The following MED24 variants were observed in gnomAD, a reference collection of about 807,000 sequenced individuals.
MED24 encodes mediator of RNA polymerase II transcription subunit 24.
A neutral mutation model predicts 118.8 loss-of-function variants in MED24; 74 were observed. That is an observed-to-expected ratio of 0.62 (90% CI 0.52 to 0.76). MED24 has a LOEUF of 0.76. Ranked by LOEUF, MED24 falls within the 30% of genes least tolerant of loss-of-function variation. The pLI, the probability that MED24 is intolerant of heterozygous loss-of-function variation, is 0.00. For synonymous variants in MED24, 521 were observed against 523.9 expected, an observed-to-expected ratio of 0.99 and a Z score of 0.08; for missense variants, 1,041 against 1,278.9, an observed-to-expected ratio of 0.81 and a Z score of 2.84.
chr17:40,031,453 C>A, intron 11 of MED24, 85 bp downstream of exon 11: 1 of 1,406,138 alleles, frequency 7.1e-7, no homozygotes. Context: ...GAGACAGAGT[C>A]CCCTGAGGCT....
Position 40,033,305 on chromosome 17 carries a change from C to G in MED24, c.671+40G>C. ...ACATCTTCCTACCCCAGGGCGTGTC[C>G]TCCCTCTCCCTTCTCCACCATCCCC... On this transcript the variant is annotated intron_variant, in intron 7 of 25. Coordinates refer to ENST00000394128, the MANE Select transcript of MED24 (RefSeq NM_014815.4). The surrounding 1 kb of genome is among the most constrained non-coding windows in gnomAD (Gnocchi z 5.2). 6.2e-7 allele frequency: 1 copy of G among 1,611,892 alleles called. No individual in the cohort carries two copies. Among genetic ancestry groups the G allele is most frequent in the Non-Finnish European group, 8.5e-7 (1 of 1,179,098 alleles).
chr17:40,036,603 G>A (rs1232903288), intron 3 of MED24, among the ~76,000 whole-genome samples: 2 of 149,454 alleles, frequency 1.3e-5, no homozygotes, highest in Non-Finnish European at 3.0e-5. Flanking sequence ...TAGGAGAATC[G>A]CTTGAATCAG....
Position 40,022,667 on chromosome 17 carries a change from G to A in MED24, c.2410C>T (p.Pro804Ser), listed in dbSNP as rs766149658. The part of the protein sequence containing the change: ...DSSKWHSLMD[P>S]PGTALAKLAV... ...TACTTGGCAAGAGCAGTGCCCGGGGGGTCCATGAGGCTGTGCCACTTGGAG... is the reference window on the plus strand; with the variant it reads ...TACTTGGCAAGAGCAGTGCCCGGGGAGTCCATGAGGCTGTGCCACTTGGAG... Residue 804 changes from proline (P) to serine (S), a missense_variant, in exon 21 of 26, where the codon CCC becomes TCC. This residue lies in a region of MED24 where 587 missense variants were observed against 694.4 expected (regional missense o/e 0.85). Coordinates refer to ENST00000394128, the MANE Select transcript of MED24 (RefSeq NM_014815.4). The A allele has an allele frequency of 3.1e-6, 5 of 1,613,530 alleles. No individual in the cohort carries two copies. Among genetic ancestry groups the A allele is most frequent in the Admixed American group, 1.7e-5 (1 of 60,016 alleles).
At chr17:40,047,674 AAAAAAAC>A (rs1293446627) in intron 3 of MED24, among the ~76,000 whole-genome samples, 55 of 150,004 alleles carry the variant, frequency 3.7e-4, no homozygotes, top group Middle Eastern at 3.4e-3. Context: ...AAAAAAAAAC[AAAAAAAC>A]AAAAAACAAA....
rs185181585 is a variant in MED24, at chr17:40,048,647, G to A, written c.213+4651C>T. ...TGGCTCACTGCAGGCTCCACTTCCC[G>A]GGTTCAAGCGATTCTCCTGCCTCAG... is the stretch of plus-strand genomic sequence containing the variant. On this transcript the variant is annotated intron_variant, in intron 3 of 25. Transcript: ENST00000394128. 1.6e-3 allele frequency among the ~76,000 whole-genome samples: 244 copies of A among 152,198 alleles called. 1 individual carries two copies. The highest frequency in any genetic ancestry group is 5.6e-3 in the African/African-American group (234 of 41,510).
In MED24 at chr17:40,022,426, G is replaced by A. The variant is rs149459087; in HGVS notation, c.2491C>T (p.Arg831Cys). Residue 831 changes from arginine to cysteine, a missense_variant, in exon 22 of 26, where the codon CGC becomes TGC. Coordinates refer to ENST00000394128, the MANE Select transcript of MED24 (RefSeq NM_014815.4). ...YSSHKGQASTRQKKRHREDIE... is the reference protein window; with the variant it reads ...YSSHKGQASTCQKKRHREDIE... ...TCTTCGCGGTGTCTCTTCTTCTGGC[G>A]GGTGGACGCCTGTCCCTTGTGGGAG... is the stretch of plus-strand genomic sequence containing the variant. 2.7e-3 allele frequency: 4,286 copies of A among 1,610,714 alleles called. 9 individuals carry two copies. Among genetic ancestry groups the A allele is most frequent in the Non-Finnish European group, 3.0e-3 (3,573 of 1,178,686 alleles).
intron 3 of MED24, 138 bp from the exon 4 acceptor site, chr17:40,036,292 G>A (rs1480054147): frequency 5.1e-6 from 4 of 788,528 alleles, no homozygotes; most frequent in Non-Finnish European, 8.5e-6. Context: ...CAAGCAAGGA[G>A]AGGCAGTGTC....
At position 40,022,039 on chromosome 17, in the gene MED24, A is replaced by G. The variant is rs770876614; in HGVS notation, c.2539T>C (p.Phe847Leu). The change falls in exon 23 of 26, where the codon TTC becomes CTC. Residue 847 changes from phenylalanine (F) to leucine (L), a missense_variant. Physicochemically the swap from Phe to Leu is conservative, Grantham distance 22. Coordinates refer to ENST00000394128, the MANE Select transcript of MED24 (RefSeq NM_014815.4). The stretch of plus-strand genomic sequence containing the variant: ...GAAGGCTGCACATCGTCCAGGGGGA[A>G]GAGGCTGATATAATCCTAGAGGGAG... ...REDIEDYISL[F>L]PLDDVQPSKL... 1 of 1,609,546 alleles carries G rather than the reference A, an allele frequency of 6.2e-7. No homozygotes were observed. Among genetic ancestry groups the G allele is most frequent in the Admixed American group, 1.7e-5 (1 of 59,242 alleles).
At chr17:40,051,136 C>CA (rs1224890104) in intron 3 of MED24, among the ~76,000 whole-genome samples, 1,222 of 81,472 alleles carry the variant, frequency 0.015, 10 homozygotes, top group African/African-American at 0.041. Context: ...GACTCTGTCT[C>CA]AAAAAAAAAA....
chr17:40,025,874 C>G (rs1235184903), intron 19 of MED24, among the ~76,000 whole-genome samples: 1 of 152,142 alleles, frequency 6.6e-6, no homozygotes, highest in Non-Finnish European at 1.5e-5. Context: ...CAGCTTTGTT[C>G]TTTTGGGAGC....
chr17:40,050,537 TAG>T (rs1985725696), intron 3 of MED24, among the ~76,000 whole-genome samples: 1 of 151,818 alleles, frequency 6.6e-6, no homozygotes, highest in Admixed American at 6.6e-5. Flanking sequence ...AACTGAGGAA[TAG>T]AAAGTCAAGG....
At chr17:40,025,042 AGAGT>A (rs1295723866) in intron 19 of MED24, among the ~76,000 whole-genome samples, 1 of 152,176 alleles carries the variant, frequency 6.6e-6, no homozygotes, top group Non-Finnish European at 1.5e-5. Flanking sequence ...GGCCCACAAC[AGAGT>A]ATTATTCAGC....
intron 12 of MED24, 89 bp from the exon 13 acceptor site, chr17:40,029,948 C>T (rs551815474): frequency 8.4e-6 from 10 of 1,192,880 alleles, no homozygotes; most frequent in African/African-American, 6.0e-5. Flanking sequence ...GAAGGAAATG[C>T]GCAGAGGAGG....
intron 16 of MED24, 78 bp from the exon 17 acceptor site, chr17:40,027,112 T>G (rs1454716710): frequency 1.4e-5 from 22 of 1,526,748 alleles, no homozygotes; most frequent in Admixed American, 2.0e-5. Flanking sequence ...GGCTGCACTG[T>G]TTCCCGCCAG....
intron 3 of MED24, among the ~76,000 whole-genome samples, chr17:40,038,009 C>T (rs1325853539): frequency 1.3e-5 from 2 of 152,096 alleles, no homozygotes; most frequent in African/African-American, 4.8e-5. Context: ...AACTTTACCA[C>T]AGAACTTCTC....
Position 40,019,803 on chromosome 17 carries a change from C to T in MED24, c.2835G>A (p.Gln945=). The change falls in exon 25 of 26, where the codon CAG becomes CAA. Residue 945 remains glutamine, a synonymous_variant. Transcript: ENST00000394128. ...TACTCACGGTGGTGAAGGGCATGAA[C>T]TGCAGGACGCTGCCACGGCCACCCT... ...LEQGGRGSVL[Q]FMPFTTVSEL... 1 of 1,609,166 alleles carries T rather than the reference C, an allele frequency of 6.2e-7. No homozygotes were observed. Among genetic ancestry groups the T allele is most frequent in the Non-Finnish European group, 8.5e-7 (1 of 1,177,584 alleles).
chr17:40,035,142 C>T lies in MED24; in HGVS notation c.534G>A (p.Leu178=). 6.2e-7 allele frequency: 1 copy of T among 1,614,150 alleles called. No individual in the cohort carries two copies. The highest frequency in any genetic ancestry group is 1.6e-4 in the Middle Eastern group (1 of 6,062). ...AGGCCTCCTCTAGTTTGGCGATGTG[C>T]AGCAGGGCCCGGTTCTTGGTGCTGC... The part of the protein sequence containing the change: ...TLSSTKNRAL[L]HIAKLEEASS... Residue 178 remains leucine, a synonymous_variant, in exon 6 of 26, where the codon CTG becomes CTA. Coordinates refer to ENST00000394128, the MANE Select transcript of MED24 (RefSeq NM_014815.4).
rs35670621 is a variant in MED24, at chr17:40,022,794, C to A, written c.2283G>T (p.Thr761=). ...ELLKETRKEH[T]LRAVELLYSI... ...AGTAGAGCAGCTCCACTGCCCGCAG[C>A]GTGTGCTCCTTCCGCGTCTCCTTCA... Residue 761 remains threonine, a synonymous_variant, in exon 21 of 26, where the codon ACG becomes ACT. Transcript: ENST00000394128. The A allele has an allele frequency of 6.2e-6, 10 of 1,613,570 alleles. No homozygotes were observed. The highest frequency in any genetic ancestry group is 1.7e-5 in the Admixed American group (1 of 59,984).
intron 3 of MED24, among the ~76,000 whole-genome samples, chr17:40,039,029 CA>C (rs1338701798): frequency 2.6e-5 from 4 of 152,158 alleles, no homozygotes; most frequent in Non-Finnish European, 4.4e-5. Flanking sequence ...GAGTGCTTGG[CA>C]AAGAAGTGAA....
Sources: allele counts gnomAD v4.1 joint callset (sites outside exome capture counted in the v4.1 genomes callset), GRCh38; gene constraint gnomAD v4.1.1; regional missense constraint gnomAD v4.1.1; non-coding constraint Gnocchi (gnomAD v3.1); transcripts MANE v1.5; gene names NCBI Gene and HGNC (gene_info 2026-07-23, HGNC 2026-07-21).